Variants in CTBP1 observed in about 807,000 individuals in gnomAD.
CTBP1 encodes the protein C-terminal binding protein 1.
A neutral mutation model predicts 42.1 loss-of-function variants in CTBP1; 11 were observed. The ratio of observed to expected loss-of-function variants is 0.26; its 90% confidence interval spans 0.16 to 0.43. The LOEUF (loss-of-function observed/expected upper bound fraction) is 0.43. Among genes scored for constraint, CTBP1 ranks in the 20% least tolerant of loss-of-function variants. The pLI is 1.00. For missense variants in CTBP1, 399 were observed against 624.3 expected (o/e 0.64, Z 3.85); for synonymous variants, 324 against 277.1 (o/e 1.17, Z -1.68).
chr4:1,241,284 C>A, intron 2 of CTBP1, 41 bp downstream of exon 2: 1 of 790,160 alleles, frequency 1.3e-6, no homozygotes, highest in Non-Finnish European at 2.3e-6. Context: ...AAGAGACCGG[C>A]CGGCTTCACT....
rs572177087 is a variant in CTBP1 at position 1,238,309 on chromosome 4, G to A, written c.36C>T (p.Pro12=). The A allele has an allele frequency of 9.4e-6, 15 of 1,587,410 alleles. No homozygotes were observed. The South Asian group carries it at 1.2e-4, about 13-fold the overall frequency. ...ATGCCACCAGGGGCCGCGGGTGCAGGGGCCCGTTCATGATCGGAGGTCGGA... is the reference window on the plus strand; with the variant it reads ...ATGCCACCAGGGGCCGCGGGTGCAGAGGCCCGTTCATGATCGGAGGTCGGA... ...SGVRPPIMNG[P]LHPRPLVALL... Residue 12 remains proline (P), a synonymous_variant, in exon 3 of 10, where the codon CCC becomes CCT. Coordinates refer to ENST00000382952, the MANE Select transcript of CTBP1 (RefSeq NM_001012614.2). This position sits in a 1 kb window ranked among gnomAD's most constrained non-coding sequence, Gnocchi z 5.9.
chr4:1,230,863 C>T (rs1420046062), intron 3 of CTBP1, among the ~76,000 whole-genome samples: 2 of 152,242 alleles, frequency 1.3e-5, no homozygotes, highest in Admixed American at 6.5e-5. Context: ...CCGAAGCGTG[C>T]GCCGGCCAAG....
chr4:1,245,030 C>A, intron 1 of CTBP1: 1 of 985,426 alleles, frequency 1.0e-6, no homozygotes, highest in Non-Finnish European at 1.2e-6. Flanking sequence ...AGCCACTGGG[C>A]TGAGAGCACG....
upstream of CTBP1, chr4:1,250,289 TGC>T (rs1733193587): frequency 4.2e-6 from 1 of 235,860 alleles, no homozygotes; most frequent in Non-Finnish European, 8.7e-6. Context: ...AGACCTGCCC[TGC>T]GTGCCACGTT....
At chr4:1,244,734 G>A (rs1732542223) in intron 1 of CTBP1, 4 of 985,250 alleles carry the variant, frequency 4.1e-6, no homozygotes, top group African/African-American at 1.7e-5. Context: ...TGATTACTCC[G>A]GGCTCGAGTG....
At chr4:1,213,332 A>G in intron 8 of CTBP1, 146 bp downstream of exon 8, 3 of 1,317,990 alleles carry the variant, frequency 2.3e-6, no homozygotes, top group Non-Finnish European at 3.1e-6. Context: ...TTGGCCTTAG[A>G]GGTCCCTGCT....
At chr4:1,227,702 A>G (rs528106895) in intron 4 of CTBP1, among the ~76,000 whole-genome samples, 1 of 131,376 alleles carries the variant, frequency 7.6e-6, no homozygotes, top group African/African-American at 2.9e-5. Context: ...ACATGCACGG[A>G]TGCAGATGTG....
chr4:1,244,354 T>C, intron 1 of CTBP1: 1 of 960,522 alleles, frequency 1.0e-6, no homozygotes, highest in Non-Finnish European at 1.2e-6. Flanking sequence ...CTCTGGGCAC[T>C]GGGGGGGGGG....
chr4:1,242,148 T>C, intron 1 of CTBP1: 9 of 985,386 alleles, frequency 9.1e-6, no homozygotes, highest in Non-Finnish European at 1.1e-5. Context: ...GGCCAGGGCC[T>C]GGCGGGAAGC....
Position 1,240,120 on chromosome 4 carries a change from C to T in CTBP1, c.7+1205G>A, listed in dbSNP as rs73793157. ...GCAGACCGCTCGGCTGCGTCAGAAC[C>T]GCCTGGGGGGACTCCTGGGTGCTGG... is the stretch of plus-strand genomic sequence containing the variant. On this transcript the variant is annotated intron_variant, in intron 2 of 9. Coordinates refer to ENST00000382952, the MANE Select transcript of CTBP1 (RefSeq NM_001012614.2). Among the ~76,000 whole-genome samples the T allele has an allele frequency of 8.3e-4, 127 of 152,288 alleles. 1 individual carries two copies. Among genetic ancestry groups the T allele is most frequent in the African/African-American group, 3.0e-3 (125 of 41,564 alleles).
Position 1,245,154 on chromosome 4 carries a change from G to A in CTBP1, c.-188-3635C>T, listed in dbSNP as rs1732586277. ...GCCCAAGTCATCCACGAGCCGATAC[G>A]GCACCTTGGACGGCAGCATCCCTGT... On this transcript the variant is annotated intron_variant, in intron 1 of 9. Coordinates refer to ENST00000382952, the MANE Select transcript of CTBP1 (RefSeq NM_001012614.2). 9 of 985,260 alleles carry A rather than the reference G, an allele frequency of 9.1e-6. No homozygotes were observed. In the South Asian group the frequency reaches 1.9e-4, roughly 21 times the overall value. The allele number at this position is 985,260 out of a possible 1,614,324, so 61.0% of individuals were successfully genotyped here.
intron 1 of CTBP1, chr4:1,241,728 AG>A (rs1732198258): frequency 8.3e-7 from 1 of 1,208,040 alleles, no homozygotes; most frequent in South Asian, 1.5e-5. Flanking sequence ...CTGAGGTTGC[AG>A]TGCCAGGCCC....
intron 4 of CTBP1, among the ~76,000 whole-genome samples, chr4:1,226,412 C>T (rs371124299): frequency 2.6e-5 from 4 of 152,066 alleles, no homozygotes; most frequent in African/African-American, 7.2e-5. Context: ...TGGACAGGAC[C>T]GTGTGGTTCC....
At chr4:1,230,334 A>G (rs1194474130) in intron 3 of CTBP1, among the ~76,000 whole-genome samples, 1 of 152,194 alleles carries the variant, frequency 6.6e-6, no homozygotes, top group Non-Finnish European at 1.5e-5. Flanking sequence ...CGTGGACTGG[A>G]GATGGGCGCC....
intron 3 of CTBP1, chr4:1,236,991 G>A (rs1384435551): frequency 2.2e-5 from 15 of 669,644 alleles, no homozygotes; most frequent in African/African-American, 7.3e-5. Flanking sequence ...GAAACCGAGC[G>A]TCCATCTCCT....
intron 5 of CTBP1, chr4:1,216,973 G>C (rs1729194107): frequency 6.6e-6 from 1 of 152,538 alleles, no homozygotes; most frequent in Non-Finnish European, 1.5e-5. Flanking sequence ...CGCTACACAG[G>C]AAGGAAGCAG....
chr4:1,226,894 T>TC (rs1730408866), intron 4 of CTBP1, among the ~76,000 whole-genome samples: 3 of 151,388 alleles, frequency 2.0e-5, no homozygotes, highest in Admixed American at 6.6e-5. Flanking sequence ...ACCACCTGCG[T>TC]CCCCCGCAGG....
intron 1 of CTBP1, chr4:1,244,387 C>A: frequency 1.0e-6 from 1 of 980,136 alleles, no homozygotes; most frequent in Non-Finnish European, 1.2e-6. Context: ...TCCCAGGGGG[C>A]ACCAAGATGC....
In CTBP1 at chr4:1,228,694, G is replaced by A. The variant is rs562517204; in HGVS notation, c.163-351C>T. 4.3e-5 allele frequency among the ~76,000 whole-genome samples: 6 copies of A among 139,330 alleles called. 2 individuals carry two copies. The highest frequency in any genetic ancestry group is 1.3e-4 in the African/African-American group (5 of 38,538). 91.4% of individuals were successfully genotyped at this position (139,330 alleles called of 152,430 possible). The stretch of plus-strand genomic sequence containing the variant: ...CTCTGCTCAGCCTTGTGGAAGAAAC[G>A]GGGTCCCGCCTGGCGAGGACACAGG... On this transcript the variant is annotated intron_variant, in intron 3 of 9. Coordinates refer to ENST00000382952, the MANE Select transcript of CTBP1 (RefSeq NM_001012614.2).
Sources: gnomAD v4.1 joint callset for allele counts (sites outside exome capture counted in the v4.1 genomes callset) on GRCh38, gnomAD v4.1.1 for gene constraint, Gnocchi (gnomAD v3.1) non-coding constraint, MANE v1.5 for transcripts, NCBI Gene and HGNC (gene_info 2026-07-23, HGNC 2026-07-21) for gene names.